ZNF320: variants seen among roughly 807,000 people sequenced by gnomAD.
The protein encoded by ZNF320 is zinc finger protein 320, also known as zinc finger gene 320.
ZNF320 carries 2 observed loss-of-function variants against 6.8 expected under a neutral mutation model. The ratio of observed to expected loss-of-function variants is 0.29; its 90% CI spans 0.12 to 0.93. The LOEUF (loss-of-function observed/expected upper bound fraction) is 0.93. Ranked by LOEUF, ZNF320 falls within the 40% of genes least tolerant of loss-of-function variation. ZNF320 has a pLI of 0.55. For synonymous variants in ZNF320, 208 were observed against 203.2 expected (o/e 1.02, Z -0.20); for missense variants, 472 against 611.0 (o/e 0.77, Z 2.40).
At chr19:52,865,612 T>C (rs1461619006) in intron 5 of ZNF320, among the ~76,000 whole-genome samples, 2 of 122,060 alleles carry the variant, frequency 1.6e-5, no homozygotes, top group African/African-American at 3.3e-5. Flanking sequence ...TATGAGATTA[T>C]ACATATATAT....
At chr19:52,895,485 T>A (rs1232026712) in intron 1 of ZNF320, 1 of 147,606 alleles carries the variant, frequency 6.8e-6, no homozygotes, top group Non-Finnish European at 1.5e-5. Context: ...ACAAAATAGG[T>A]CCTTGATATC....
chr19:52,886,215 AC>A (rs1306712953), intron 5 of ZNF320, among the ~76,000 whole-genome samples: 2 of 151,592 alleles, frequency 1.3e-5, no homozygotes, highest in Admixed American at 6.6e-5. Context: ...GCTCACTGCA[AC>A]CTCCACCTCC....
chr19:52,873,303 G>A (rs2063712850), downstream of ZNF320, among the ~76,000 whole-genome samples: 2 of 152,218 alleles, frequency 1.3e-5, no homozygotes. Flanking sequence ...GGCTTTCTTG[G>A]GCAGAGGTCC....
intron 5 of ZNF320, among the ~76,000 whole-genome samples, chr19:52,869,335 A>G (rs912093654): frequency 1.3e-5 from 2 of 152,182 alleles, no homozygotes; most frequent in Non-Finnish European, 2.9e-5. Context: ...TCAAGAGTAT[A>G]CACAACAATA....
intron 5 of ZNF320, among the ~76,000 whole-genome samples, chr19:52,870,944 C>T (rs191340868): frequency 3.4e-4 from 51 of 151,350 alleles, no homozygotes; most frequent in Admixed American, 3.1e-3. Flanking sequence ...CAGGATTTCC[C>T]GACCAGCCTG....
At chr19:52,896,513 A>G (rs935184192) in intron 1 of ZNF320, among the ~76,000 whole-genome samples, 1 of 152,164 alleles carries the variant, frequency 6.6e-6, no homozygotes, top group Non-Finnish European at 1.5e-5. Context: ...GTTGGAGACC[A>G]GCCTGAGCAA....
chr19:52,872,656 C>T (rs540427296), downstream of ZNF320, among the ~76,000 whole-genome samples: 10 of 152,260 alleles, frequency 6.6e-5, no homozygotes, highest in East Asian at 1.7e-3. Flanking sequence ...TGCCCACCAC[C>T]GGGCCCGGCT....
chr19:52,881,841 A>G lies in ZNF320; in HGVS notation c.285T>C (p.His95=), dbSNP rs1399362853. 11 of 1,613,756 alleles carry G rather than the reference A, an allele frequency of 6.8e-6. No homozygotes were observed. Among genetic ancestry groups the G allele is most frequent in the Non-Finnish European group, 8.5e-6 (10 of 1,179,868 alleles). The change falls in exon 6 of 6, where the codon CAT becomes CAC. Residue 95 remains histidine, a synonymous_variant. Transcript: ENST00000682928. ...FCSQEIEKDI[H]DFVFQWQEDE... ...CTTCTTGCCACTGAAACACAAAGTC[A>G]TGAATGTCTTTCTCAATTTCCTGGG... is the stretch of plus-strand genomic sequence containing the variant.
chr19:52,862,097 G>T, exon 6 of ZNF320: 1 of 374,342 alleles, frequency 2.7e-6, no homozygotes. Context: ...ACACTTGTAA[G>T]ATCTCTCTTC....
upstream of ZNF320, among the ~76,000 whole-genome samples, chr19:52,902,316 T>C (rs1163032373): frequency 1.3e-5 from 2 of 152,228 alleles, no homozygotes; most frequent in East Asian, 3.8e-4. Context: ...GAGAGAGCTA[T>C]ATGTTACTCC....
At chr19:52,901,259 T>C (rs117367674), upstream of ZNF320, among the ~76,000 whole-genome samples, 1,034 of 152,274 alleles carry the variant, frequency 6.8e-3, 4 homozygotes, top group Non-Finnish European at 0.012. Context: ...GTAGCAATCT[T>C]TTGTCTAACT....
chr19:52,865,862 A>ATACATATATATTTATATATTC (rs2063551399), intron 5 of ZNF320, among the ~76,000 whole-genome samples: 3 of 125,866 alleles, frequency 2.4e-5, no homozygotes, highest in Non-Finnish European at 4.6e-5. Flanking sequence ...TTTATATATT[A>ATACATATATATTTATATATTC]TACATATATA....
At position 52,877,623 on chromosome 19, in the gene ZNF320, G is replaced by A. The variant is rs2063798819; in HGVS notation, c.*2973C>T. ...GTGGAGATCTTGAGGTTCCCGGTTTGGGAGGGGCATATGTAGCTTTTTAAA... is the reference window on the plus strand; with the variant it reads ...GTGGAGATCTTGAGGTTCCCGGTTTAGGAGGGGCATATGTAGCTTTTTAAA... On this transcript the variant is annotated 3_prime_UTR_variant, in exon 6 of 6. Coordinates refer to ENST00000682928, the MANE Select transcript of ZNF320 (RefSeq NM_001351774.2). 6.6e-6 allele frequency: 1 copy of A among 152,018 alleles called. No individual in the cohort carries two copies. The highest frequency in any genetic ancestry group is 1.5e-5 in the Non-Finnish European group (1 of 68,016). The allele number at this position is 152,018 out of a possible 1,614,324, so 9.4% of individuals were successfully genotyped here.
intron 5 of ZNF320, among the ~76,000 whole-genome samples, chr19:52,868,280 GTGGATCAC>G (rs1291607025): frequency 6.6e-6 from 1 of 152,100 alleles, no homozygotes; most frequent in East Asian, 1.9e-4. Context: ...ACCGCGGTGG[GTGGATCAC>G]CTGAGGTCGG....
chr19:52,896,485 G>C (rs1212969243), intron 1 of ZNF320, among the ~76,000 whole-genome samples: 5 of 152,154 alleles, frequency 3.3e-5, no homozygotes, highest in Non-Finnish European at 7.3e-5. Flanking sequence ...GATACAGCTG[G>C]ATCGCTTGAG....
At chr19:52,871,234 A>C (rs1273006196), downstream of ZNF320, among the ~76,000 whole-genome samples, 2 of 152,258 alleles carry the variant, frequency 1.3e-5, no homozygotes, top group Non-Finnish European at 2.9e-5. Context: ...GTGGGGATTG[A>C]TTGAGCCCAG....
chr19:52,879,237 G>C lies in ZNF320; in HGVS notation c.*1359C>G, dbSNP rs375021356. The C allele has an allele frequency of 7.2e-5, 11 of 152,502 alleles. No homozygotes were observed. The highest frequency in any genetic ancestry group is 2.6e-4 in the African/African-American group (11 of 41,546). The allele number at this position is 152,502 out of a possible 1,614,324, so 9.4% of individuals were successfully genotyped here. A position where few individuals can be genotyped will look rare whatever the true frequency, so the allele number is the denominator to read the frequency against. The stretch of plus-strand genomic sequence containing the variant: ...TTGTACTAGCGAACTGTATTCAAGA[G>C]GTTATAAAAAGGATTGTTGATATGC... On this transcript the variant is annotated 3_prime_UTR_variant, in exon 6 of 6. Coordinates refer to ENST00000682928, the MANE Select transcript of ZNF320 (RefSeq NM_001351774.2).
upstream of ZNF320, among the ~76,000 whole-genome samples, chr19:52,901,024 G>A (rs1020491177): frequency 6.6e-6 from 1 of 151,518 alleles, no homozygotes; most frequent in African/African-American, 2.4e-5. Context: ...TATATTTTTG[G>A]GGACCCCTCT....
intron 4 of ZNF320, among the ~76,000 whole-genome samples, chr19:52,888,810 C>T (rs557844624): frequency 6.6e-6 from 1 of 152,152 alleles, no homozygotes; most frequent in African/African-American, 2.4e-5. Flanking sequence ...CGTGTGTGTA[C>T]ATATGTATGT....
Sources: allele counts gnomAD v4.1 joint callset (sites outside exome capture counted in the v4.1 genomes callset), GRCh38; gene constraint gnomAD v4.1.1; transcripts MANE v1.5; gene names NCBI Gene and HGNC (gene_info 2026-07-23, HGNC 2026-07-21).